The following STK3 variants were observed in gnomAD, a reference collection of about 807,000 sequenced individuals.
STK3 encodes the protein serine/threonine-protein kinase 3.
A neutral mutation model predicts 58.0 loss-of-function variants in STK3; 41 were observed. That is an observed-to-expected ratio of 0.71 (90% CI 0.55 to 0.92). STK3 has a LOEUF of 0.92. STK3 is among the 40% of genes least tolerant of loss of function. The pLI is 0.00. For missense variants in STK3, 479 were observed against 602.7 expected, an observed-to-expected ratio of 0.79 and a Z score of 2.15; for synonymous variants, 170 against 191.0, an observed-to-expected ratio of 0.89 and a Z score of 0.91.
intron 6 of STK3, among the ~76,000 whole-genome samples, chr8:98,641,617 C>A (rs1438710730): frequency 6.6e-6 from 1 of 152,104 alleles, no homozygotes; most frequent in Non-Finnish European, 1.5e-5. Flanking sequence ...ACTAAAAATA[C>A]AAAATTGAAG....
chr8:98,606,851 T>C (rs142341530), intron 6 of STK3, among the ~76,000 whole-genome samples: 152 of 152,338 alleles, frequency 1.0e-3, no homozygotes, highest in African/African-American at 3.4e-3. Flanking sequence ...TATAGTTCTT[T>C]CCTGAATTCT....
chr8:98,881,291 A>G (rs796450044), downstream of STK3: 9 of 152,364 alleles, frequency 5.9e-5, 1 homozygote, highest in African/African-American at 1.7e-4. Flanking sequence ...TACATACTAT[A>G]TGATTCCATC....
intron 6 of STK3, among the ~76,000 whole-genome samples, chr8:98,662,684 T>A (rs1186392667): frequency 6.6e-6 from 1 of 152,158 alleles, no homozygotes; most frequent in Non-Finnish European, 1.5e-5. Context: ...TTTCTTTTTT[T>A]TTTTTTAAAC....
At chr8:98,366,610 C>G (rs557496548), downstream of STK3, among the ~76,000 whole-genome samples, 1 of 152,330 alleles carries the variant, frequency 6.6e-6, no homozygotes, top group South Asian at 2.1e-4. Context: ...AGTTTGTCCA[C>G]TAATTTATAA....
At chr8:98,897,880 T>G (rs527738509) in intron 1 of STK3, among the ~76,000 whole-genome samples, 1 of 152,204 alleles carries the variant, frequency 6.6e-6, no homozygotes, top group African/African-American at 2.4e-5. Context: ...CATACTGATA[T>G]GATCACCACA....
At chr8:98,405,476 T>C (rs534012259) in intron 3 of STK3, among the ~76,000 whole-genome samples, 10 of 152,310 alleles carry the variant, frequency 6.6e-5, no homozygotes, top group Non-Finnish European at 1.2e-4. Flanking sequence ...TTCTTAGTTG[T>C]AAATATCATA....
At position 98,596,107 on chromosome 8, in the gene STK3, A is replaced by G. The variant is rs745804050; in HGVS notation, c.747T>C (p.Asp249=). The change falls in exon 7 of 11, where the codon GAT becomes GAC. Residue 249 remains aspartate (D), a synonymous_variant. Transcript: ENST00000419617. ...ACTTTTTAACAAAATCGGTGAAATC[A>G]TCGGACCAAAGTTCTGGCTTTCTGA... ...PTFRKPELWS[D]DFTDFVKKCL... 2.5e-6 allele frequency: 4 copies of G among 1,613,318 alleles called. No individual in the cohort carries two copies.
At chr8:98,438,164 G>T (rs914350388) in intron 1 of STK3, 2 of 152,172 alleles carry the variant, frequency 1.3e-5, no homozygotes. Context: ...TTATTCAGTA[G>T]CTTCCCCATT....
chr8:98,362,266 T>A, the STK3 span, among the ~76,000 whole-genome samples: 1 of 152,010 alleles, frequency 6.6e-6, no homozygotes, highest in East Asian at 1.9e-4. Context: ...CCGGTTTGGA[T>A]CTTTACTGGA....
rs568722547 is a variant in STK3 at position 98,373,699 on chromosome 8, G to A, written n.112-2021C>T. Among the ~76,000 whole-genome samples, 3 of 152,234 alleles carry A rather than the reference G, an allele frequency of 2.0e-5. No individual in the cohort carries two copies. The South Asian group carries it at 6.2e-4, about 32-fold the overall frequency. On this transcript the variant is annotated intron_variant and non_coding_transcript_variant, in intron 2 of 2. Transcript: ENST00000518704. ...GAGGAAGGTGGTAGAAATTCCTTCT[G>A]CCCAAAGACACAAAAGGTAATATCT... is the stretch of plus-strand genomic sequence containing the variant.
At chr8:98,522,564 T>G (rs569179253) in intron 10 of STK3, among the ~76,000 whole-genome samples, 1 of 152,272 alleles carries the variant, frequency 6.6e-6, no homozygotes, top group African/African-American at 2.4e-5. Context: ...AAAAAATGCA[T>G]AACACAAAAT....
Position 98,774,794 on chromosome 8 carries a change from T to C in STK3, c.52A>G (p.Ser18Gly). The change falls in exon 2 of 11, where the codon AGT (serine) becomes GGT (glycine). Residue 18 changes from serine to glycine, a missense_variant. This residue lies in a region of STK3 where 44 missense variants were observed against 37.0 expected (regional missense o/e 1.19). Transcript: ENST00000419617. ...ACTTCTTCAGGCTGCTTAGTCAAAC[T>C]GTCTTCACTCAGCTTTTTTAGTTTA... ...KSKLKKLSEDSLTKQPEEVFD... is the reference protein window; with the variant it reads ...KSKLKKLSEDGLTKQPEEVFD... 6.3e-7 allele frequency: 1 copy of C among 1,583,598 alleles called. No individual in the cohort carries two copies. Among genetic ancestry groups the C allele is most frequent in the Non-Finnish European group, 8.6e-7 (1 of 1,166,676 alleles).
chr8:98,722,178 T>C (rs896128084), intron 4 of STK3, among the ~76,000 whole-genome samples: 2 of 152,088 alleles, frequency 1.3e-5, no homozygotes, highest in Non-Finnish European at 2.9e-5. Flanking sequence ...AATAGAAATA[T>C]AACAATTATA....
chr8:98,854,129 ATATTTATTTATT>A (rs542032878), intron 3 of STK3, among the ~76,000 whole-genome samples: 1 of 151,854 alleles, frequency 6.6e-6, no homozygotes, highest in African/African-American at 2.4e-5. Context: ...AAGTAAAACT[ATATTTATTTATT>A]TATTTATTTA....
chr8:98,913,551 T>A (rs1269523558), intron 1 of STK3, among the ~76,000 whole-genome samples: 4 of 152,218 alleles, frequency 2.6e-5, no homozygotes, highest in Non-Finnish European at 5.9e-5. Context: ...CTGGCCTTCA[T>A]CCAGACTCCT....
intron 10 of STK3, among the ~76,000 whole-genome samples, chr8:98,500,956 C>T (rs1369785273): frequency 1.3e-5 from 2 of 152,182 alleles, no homozygotes; most frequent in African/African-American, 2.4e-5. Context: ...AATGGTATTT[C>T]TAGTTCTAGA....
At chr8:98,941,769 C>T (rs1840441974) in intron 1 of STK3, among the ~76,000 whole-genome samples, 1 of 152,252 alleles carries the variant, frequency 6.6e-6, no homozygotes, top group Non-Finnish European at 1.5e-5. Context: ...CGTAAACTTG[C>T]AGCGGTTGGG....
chr8:98,573,771 C>A (rs1813163000), intron 8 of STK3, among the ~76,000 whole-genome samples: 2 of 152,238 alleles, frequency 1.3e-5, no homozygotes, highest in South Asian at 4.1e-4. Flanking sequence ...TGTATTAGTC[C>A]ATTCTCACGC....
At chr8:98,487,779 G>C (rs1282514814) in intron 10 of STK3, among the ~76,000 whole-genome samples, 1 of 152,158 alleles carries the variant, frequency 6.6e-6, no homozygotes, top group African/African-American at 2.4e-5. Context: ...CCCCACTCTA[G>C]TAGGCACTCA....
Sources: gnomAD v4.1 joint callset for allele counts (sites outside exome capture counted in the v4.1 genomes callset) on GRCh38, gnomAD v4.1.1 for gene constraint, gnomAD v4.1.1 regional missense constraint, MANE v1.5 for transcripts, NCBI Gene and HGNC (gene_info 2026-07-23, HGNC 2026-07-21) for gene names.